Variants in TTC7A observed in about 807,000 individuals in gnomAD.
The protein encoded by TTC7A is tetratricopeptide repeat domain 7A, also known as tetratricopeptide repeat protein 7A.
Under a neutral mutation model 103.7 loss-of-function variants are expected in TTC7A, and 110 were observed. That is an observed-to-expected ratio of 1.06 (90% CI 0.91 to 1.24). The LOEUF (loss-of-function observed/expected upper bound fraction) is 1.24, where lower values mean the gene tolerates loss of function less well. Among genes scored for constraint, TTC7A ranks in the 50% most tolerant of loss-of-function variants. The probability of loss-of-function intolerance (pLI) is 0.00; values close to 1 mark genes in which losing one functional copy is unlikely to be tolerated. For synonymous variants in TTC7A, 521 were observed against 467.9 expected (o/e 1.11, Z -1.47); for missense variants, 1,340 against 1,116.3 (o/e 1.20, Z -2.86).
intron 14 of TTC7A, among the ~76,000 whole-genome samples, chr2:47,025,857 G>T (rs1679851485): frequency 6.6e-6 from 1 of 152,168 alleles, no homozygotes. Context: ...CAGGCACGGG[G>T]CACCTCTGTG....
chr2:46,984,817 C>G (rs148447995), intron 5 of TTC7A, among the ~76,000 whole-genome samples: 2 of 152,184 alleles, frequency 1.3e-5, no homozygotes, highest in Admixed American at 6.5e-5. Context: ...ATTCCAGCTT[C>G]GGGCCTGAGC....
At chr2:47,009,679 C>G (rs1677815869) in intron 10 of TTC7A, among the ~76,000 whole-genome samples, 2 of 152,208 alleles carry the variant, frequency 1.3e-5, no homozygotes, top group East Asian at 1.9e-4. Context: ...CCGTTTCCTT[C>G]TGTACCTCCA....
chr2:47,062,069 A>G lies in TTC7A; in HGVS notation c.2355+1098A>G, dbSNP rs191454103. Among the ~76,000 whole-genome samples, 6 of 152,354 alleles carry G rather than the reference A, an allele frequency of 3.9e-5. No individual in the cohort carries two copies. The East Asian group carries it at 1.2e-3, about 29-fold the overall frequency. On this transcript the variant is annotated intron_variant, in intron 19 of 19. Transcript: ENST00000319190. ...AGATGGCTGAAGAGTTGGCATTGCCAAAAGGGGGCTGATTTGTCCGTGAGG... is the reference window on the plus strand; with the variant it reads ...AGATGGCTGAAGAGTTGGCATTGCCGAAAGGGGGCTGATTTGTCCGTGAGG...
intron 2 of TTC7A, among the ~76,000 whole-genome samples, chr2:46,927,808 C>T (rs946936799): frequency 4.7e-5 from 7 of 149,636 alleles, no homozygotes; most frequent in South Asian, 4.2e-4. Context: ...CAAGAGTAAA[C>T]GTGAGAAGAC....
At chr2:47,058,078 G>A (rs1683464264) in intron 18 of TTC7A, among the ~76,000 whole-genome samples, 1 of 152,202 alleles carries the variant, frequency 6.6e-6, no homozygotes, top group African/African-American at 2.4e-5. Flanking sequence ...AAAGCGGAGA[G>A]GGAGAGCTGA....
At chr2:46,951,679 G>A in intron 2 of TTC7A, 1 of 456,266 alleles carries the variant, frequency 2.2e-6, no homozygotes, top group Non-Finnish European at 4.4e-6. Flanking sequence ...CCGAAGCGTT[G>A]GGATTACAGG....
rs959222515 is a variant in TTC7A at position 47,075,385 on chromosome 2, G to A, written c.*1462G>A. 1 of 152,130 alleles carries A rather than the reference G, an allele frequency of 6.6e-6. No homozygotes were observed. The highest frequency in any genetic ancestry group is 2.4e-5 in the African/African-American group (1 of 41,430). 9.4% of individuals were successfully genotyped at this position (152,130 alleles called of 1,614,324 possible). The stretch of plus-strand genomic sequence containing the variant: ...AAGTAAAGAAAAAGCAAATGCTGTT[G>A]GTTTATCTCAGGGTGCCCAAAGTGG... On this transcript the variant is annotated 3_prime_UTR_variant, in exon 20 of 20. Transcript: ENST00000319190.
rs935271011 is a variant in TTC7A, at chr2:46,950,220, A to T, written c.185-143A>T. On this transcript the variant is annotated intron_variant, in intron 1 of 19. Coordinates refer to ENST00000319190, the MANE Select transcript of TTC7A (RefSeq NM_020458.4). ...TTTTCTTTAAAGGCTGTTGAAATTTATGAAAAATGTGCCTTTATTTTCTCA... is the reference window on the plus strand; with the variant it reads ...TTTTCTTTAAAGGCTGTTGAAATTTTTGAAAAATGTGCCTTTATTTTCTCA... The T allele has an allele frequency of 2.8e-5, 20 of 721,632 alleles. No individual in the cohort carries two copies. The African/African-American group carries it at 3.4e-4, about 12-fold the overall frequency. 44.7% of individuals were successfully genotyped at this position (721,632 alleles called of 1,614,324 possible).
intron 8 of TTC7A, among the ~76,000 whole-genome samples, chr2:47,003,889 G>T (rs2104442378): frequency 6.6e-6 from 1 of 152,332 alleles, no homozygotes; most frequent in Non-Finnish European, 1.5e-5. Context: ...TGGTGGAGTG[G>T]GTCAGTACAT....
chr2:46,968,288 C>T lies in TTC7A; in HGVS notation c.518-6685C>T, dbSNP rs116282684. Among the ~76,000 whole-genome samples the T allele has an allele frequency of 4.6e-3, 699 of 152,308 alleles. 8 individuals carry two copies. Among genetic ancestry groups the T allele is most frequent in the African/African-American group, 0.016 (654 of 41,568 alleles). On this transcript the variant is annotated intron_variant, in intron 3 of 19. Transcript: ENST00000319190. ...GGTATTGGCACAGAAAGGCCCTTGC[C>T]GGTGGGAATCACAAGGCAGTGCCTG...
chr2:46,916,244 G>T, exon 1 of TTC7A: 1 of 869,424 alleles, frequency 1.2e-6, no homozygotes, highest in Non-Finnish European at 1.4e-6. Context: ...ATTCCTTCTT[G>T]ATGAAACGAC....
Position 47,051,802 on chromosome 2 carries a change from C to T in TTC7A, c.2074C>T (p.Leu692=), listed in dbSNP as rs765824877. The change falls in exon 18 of 20, where the codon CTG becomes TTG. Residue 692 remains leucine, a synonymous_variant. Coordinates refer to ENST00000319190, the MANE Select transcript of TTC7A (RefSeq NM_020458.4). ...ASRLEEAMSE[L]TMPSSVLKQG... is the part of the protein sequence containing the mutation. ...CCGGCTGGAGGAGGCCATGTCAGAG[C>T]TGACTATGCCCTCTTCGGTCCTGAA... The T allele has an allele frequency of 6.2e-7, 1 of 1,611,902 alleles. No homozygotes were observed. The highest frequency in any genetic ancestry group is 1.1e-5 in the South Asian group (1 of 91,012).
rs982371543 is a variant in TTC7A, at chr2:47,011,219, G to T, written c.1288-112G>T. 1.2e-5 allele frequency: 12 copies of T among 980,586 alleles called. No individual in the cohort carries two copies. The African/African-American group carries it at 1.6e-4, about 13-fold the overall frequency. The allele number at this position is 980,586 out of a possible 1,614,324, so 60.7% of individuals were successfully genotyped here. ...TGCCCTGGACCTCTTCCTGGCTCCT[G>T]AGAGCAAAGGGATACAGAGCAAGGC... On this transcript the variant is annotated intron_variant, in intron 10 of 19. Coordinates refer to ENST00000319190, the MANE Select transcript of TTC7A (RefSeq NM_020458.4).
At chr2:47,002,437 G>A (rs1173369523) in intron 8 of TTC7A, among the ~76,000 whole-genome samples, 3 of 152,210 alleles carry the variant, frequency 2.0e-5, no homozygotes, top group Admixed American at 1.3e-4. Context: ...TACTGCATTT[G>A]ATCTAGAGGA....
intron 1 of TTC7A, among the ~76,000 whole-genome samples, chr2:46,943,066 C>T (rs1670591367): frequency 1.3e-5 from 2 of 152,032 alleles, no homozygotes; most frequent in South Asian, 2.1e-4. Flanking sequence ...CTACCATGCC[C>T]GGCTAATTTT....
At chr2:47,016,883 G>A (rs1678713755) in intron 11 of TTC7A, among the ~76,000 whole-genome samples, 1 of 152,088 alleles carries the variant, frequency 6.6e-6, no homozygotes, top group Non-Finnish European at 1.5e-5. Context: ...CCATTAGTGG[G>A]CTGTGAAATA....
At chr2:47,048,634 G>T (rs111491357) in intron 16 of TTC7A, among the ~76,000 whole-genome samples, 9 of 152,132 alleles carry the variant, frequency 5.9e-5, no homozygotes, top group African/African-American at 2.2e-4. Flanking sequence ...ACAGGGTCTT[G>T]CCCTGTTGCC....
intron 11 of TTC7A, among the ~76,000 whole-genome samples, chr2:47,013,589 A>G (rs1678307354): frequency 6.6e-6 from 1 of 152,192 alleles, no homozygotes; most frequent in Non-Finnish European, 1.5e-5. Flanking sequence ...CACCCAGCCA[A>G]CGGCCGCCCT....
At chr2:47,027,663 C>G (rs886896172) in intron 14 of TTC7A, among the ~76,000 whole-genome samples, 3 of 152,228 alleles carry the variant, frequency 2.0e-5, no homozygotes, top group Non-Finnish European at 2.9e-5. Context: ...CTTGCCAAAA[C>G]GAGCAGGATC....
Sources: gnomAD v4.1 joint callset for allele counts (sites outside exome capture counted in the v4.1 genomes callset) on GRCh38, gnomAD v4.1.1 for gene constraint, MANE v1.5 for transcripts, NCBI Gene and HGNC (gene_info 2026-07-23, HGNC 2026-07-21) for gene names.